The following RIMS3 variants were observed in gnomAD, a reference collection of about 807,000 sequenced individuals.
RIMS3 encodes regulating synaptic membrane exocytosis 3, also known as regulating synaptic membrane exocytosis protein 3.
In RIMS3, 15 loss-of-function variants were observed where a neutral mutation model predicts 29.2. The observed-to-expected ratio is 0.51, with a 90% CI of 0.34 to 0.79. The LOEUF is 0.79. Among genes scored for constraint, RIMS3 ranks in the 30% least tolerant of loss-of-function variants. The pLI, the probability that RIMS3 is intolerant of heterozygous loss-of-function variation, is 0.01. For synonymous variants in RIMS3, 161 were observed against 170.1 expected (o/e 0.95, Z 0.41); for missense variants, 342 against 421.4 (o/e 0.81, Z 1.65).
the RIMS3 span, among the ~76,000 whole-genome samples, chr1:40,684,872 G>A: frequency 2.6e-5 from 4 of 152,184 alleles, no homozygotes; most frequent in South Asian, 4.1e-4. Context: ...TTCAGCAGCT[G>A]CTCAGGAAGC....
At chr1:40,691,448 G>A in the RIMS3 span, 1 of 268,214 alleles carries the variant, frequency 3.7e-6, no homozygotes, top group Non-Finnish European at 7.5e-6. Flanking sequence ...TCGCACCAAG[G>A]AGATCCACAA....
intron 1 of RIMS3, among the ~76,000 whole-genome samples, chr1:40,657,746 CAA>C (rs34448324): frequency 0.38 from 33,408 of 88,308 alleles, 4,785 homozygotes; most frequent in African/African-American, 0.41. Context: ...GACAATGTCT[CAA>C]AAAAAAAAAA....
At chr1:40,656,233 C>T (rs148078673) in intron 1 of RIMS3, among the ~76,000 whole-genome samples, 3 of 151,894 alleles carry the variant, frequency 2.0e-5, no homozygotes, top group Non-Finnish European at 4.4e-5. Flanking sequence ...GATCTAGTCT[C>T]GATAAATAAA....
the RIMS3 span, among the ~76,000 whole-genome samples, chr1:40,689,690 C>T: frequency 1.3e-5 from 2 of 152,256 alleles, no homozygotes; most frequent in East Asian, 1.9e-4. Flanking sequence ...CAGATAGCAA[C>T]GGCTTTAGAA....
At chr1:40,661,072 G>A (rs1318306869) in intron 1 of RIMS3, among the ~76,000 whole-genome samples, 1 of 152,086 alleles carries the variant, frequency 6.6e-6, no homozygotes, top group East Asian at 1.9e-4. Context: ...GCTCCTCCTA[G>A]GTGGAGACTT....
intron 2 of RIMS3, among the ~76,000 whole-genome samples, chr1:40,642,955 CAAA>C (rs60193626): frequency 0.33 from 46,757 of 143,318 alleles, 8,318 homozygotes; most frequent in African/African-American, 0.5. Flanking sequence ...GACTCTGTCT[CAAA>C]AAAAAAAAAA....
chr1:40,691,654 T>C, the RIMS3 span: 1 of 443,096 alleles, frequency 2.3e-6, no homozygotes. Context: ...CACCGCACGA[T>C]ACTGGGAGTC....
chr1:40,669,617 A>G (rs1642466837), upstream of RIMS3: 1 of 152,154 alleles, frequency 6.6e-6, no homozygotes, highest in African/African-American at 2.4e-5. Flanking sequence ...TCTTGTGGAG[A>G]GAGAGTAGTG....
rs148657490 is a variant in RIMS3, at chr1:40,623,329, C to G, written c.*3188G>C. ...CAAGACTTGGCTCCATTTACTGGAG[C>G]CTTTTTCATACCAAAAACCCATTGC... On this transcript the variant is annotated 3_prime_UTR_variant, in exon 8 of 8. Coordinates refer to ENST00000372684, the MANE Select transcript of RIMS3 (RefSeq NM_014747.3). 22 of 398,394 alleles carry G rather than the reference C, an allele frequency of 5.5e-5. No homozygotes were observed. The highest frequency in any genetic ancestry group is 1.4e-4 in the African/African-American group (7 of 48,698). The allele number at this position is 398,394 out of a possible 1,614,324, so 24.7% of individuals were successfully genotyped here. A position where few individuals can be genotyped will look rare whatever the true frequency, so the allele number is the denominator to read the frequency against.
At chr1:40,651,293 G>A (rs1011707741) in intron 1 of RIMS3, among the ~76,000 whole-genome samples, 1 of 152,190 alleles carries the variant, frequency 6.6e-6, no homozygotes. Flanking sequence ...AGACAGACAC[G>A]GGGAGAGCGC....
rs142468604 is a variant in RIMS3, at chr1:40,637,372, C to T, written c.218-1315G>A. On this transcript the variant is annotated intron_variant, in intron 3 of 7. Coordinates refer to ENST00000372684, the MANE Select transcript of RIMS3 (RefSeq NM_014747.3). ...GTGGATGGAAGGGTGGGTGGCGGGA[C>T]AGGCTGAGAACAGGGTGCAGGGTGA... Among the ~76,000 whole-genome samples, 111 of 152,266 alleles carry T rather than the reference C, an allele frequency of 7.3e-4. 1 individual carries two copies. Among genetic ancestry groups the T allele is most frequent in the African/African-American group, 2.5e-3 (103 of 41,550 alleles).
intron 1 of RIMS3, among the ~76,000 whole-genome samples, chr1:40,663,699 C>T (rs1404034082): frequency 6.6e-6 from 1 of 152,126 alleles, no homozygotes; most frequent in East Asian, 1.9e-4. Context: ...AGACCAGAAG[C>T]GTCGTTGAGC....
At chr1:40,669,096 C>G (rs1642461335), upstream of RIMS3, 1 of 152,266 alleles carries the variant, frequency 6.6e-6, no homozygotes, top group African/African-American at 2.4e-5. Context: ...CTGCAATCCT[C>G]TGTTCCTGCT....
At chr1:40,651,109 T>A (rs1297514266) in intron 1 of RIMS3, among the ~76,000 whole-genome samples, 6 of 152,072 alleles carry the variant, frequency 3.9e-5, no homozygotes, top group Admixed American at 3.9e-4. Flanking sequence ...TGTTATAAGT[T>A]GAGTTGTGTC....
chr1:40,687,078 A>G, the RIMS3 span, among the ~76,000 whole-genome samples: 1 of 152,206 alleles, frequency 6.6e-6, no homozygotes, highest in Non-Finnish European at 1.5e-5. Flanking sequence ...TATACCCCCA[A>G]TAATTGAAAG....
At chr1:40,645,344 G>A (rs1005003593) in intron 2 of RIMS3, among the ~76,000 whole-genome samples, 3 of 152,154 alleles carry the variant, frequency 2.0e-5, no homozygotes, top group Non-Finnish European at 4.4e-5. Context: ...GGTTATCTCT[G>A]TATTGTAGAT....
intron 3 of RIMS3, among the ~76,000 whole-genome samples, chr1:40,638,963 C>T (rs1646538881): frequency 6.6e-6 from 1 of 152,182 alleles, no homozygotes; most frequent in South Asian, 2.1e-4. Flanking sequence ...GAGGAATAAA[C>T]TGGAAGAAGG....
intron 2 of RIMS3, among the ~76,000 whole-genome samples, chr1:40,647,087 G>A (rs1228919880): frequency 6.6e-6 from 1 of 152,048 alleles, no homozygotes; most frequent in Non-Finnish European, 1.5e-5. Flanking sequence ...TGCCATATTG[G>A]CCAGGCTGGT....
chr1:40,654,060 G>T lies in RIMS3; in HGVS notation c.-206-6218C>A, dbSNP rs1331718886. On this transcript the variant is annotated intron_variant, in intron 1 of 7. Transcript: ENST00000372684. The surrounding 1 kb of genome is among the most constrained non-coding windows in gnomAD (Gnocchi z 5.3). ...CAATCTCTCCCCCTCCCACACCCTCGCTGGGGGAGACACGGCAGTACCACG... is the reference window on the plus strand; with the variant it reads ...CAATCTCTCCCCCTCCCACACCCTCTCTGGGGGAGACACGGCAGTACCACG... Among the ~76,000 whole-genome samples, 1 of 151,654 alleles carries T rather than the reference G, an allele frequency of 6.6e-6. No homozygotes were observed. The highest frequency in any genetic ancestry group is 2.4e-5 in the African/African-American group (1 of 41,230).
Sources: gnomAD v4.1 joint callset for allele counts (sites outside exome capture counted in the v4.1 genomes callset) on GRCh38, gnomAD v4.1.1 for gene constraint, Gnocchi (gnomAD v3.1) non-coding constraint, MANE v1.5 for transcripts, NCBI Gene and HGNC (gene_info 2026-07-23, HGNC 2026-07-21) for gene names.